LEKR1: variants seen among roughly 807,000 people sequenced by gnomAD.
LEKR1 encodes protein LEKR1.
Under a neutral mutation model 72.4 loss-of-function variants are expected in LEKR1, and 59 were observed. The observed-to-expected ratio is 0.82, with a 90% confidence interval of 0.66 to 1.01. LEKR1 has a LOEUF of 1.01. Ranked by LOEUF, LEKR1 falls within the 50% of genes least tolerant of loss-of-function variation. The pLI is 0.00. For synonymous variants in LEKR1, 257 were observed against 263.2 expected, an observed-to-expected ratio of 0.98 and a Z score of 0.23; for missense variants, 728 against 759.2, an observed-to-expected ratio of 0.96 and a Z score of 0.48.
intron 3 of LEKR1, among the ~76,000 whole-genome samples, chr3:156,920,267 T>G (rs1724068226): frequency 6.6e-6 from 1 of 152,100 alleles, no homozygotes; most frequent in African/African-American, 2.4e-5. Context: ...AAATTAATAT[T>G]TTTAGTTGTG....
At chr3:156,983,928 C>A (rs138244564) in intron 7 of LEKR1, among the ~76,000 whole-genome samples, 1 of 152,146 alleles carries the variant, frequency 6.6e-6, no homozygotes, top group Non-Finnish European at 1.5e-5. Flanking sequence ...ACACCTCCCC[C>A]CAAGTCCCCC....
chr3:156,853,163 A>G, intron 3 of LEKR1, 181 bp downstream of exon 3: 1 of 337,306 alleles, frequency 3.0e-6, no homozygotes, highest in South Asian at 1.5e-4. Context: ...CTTTCTTTTG[A>G]GGCATATATT....
chr3:156,908,958 A>G (rs62275762), intron 3 of LEKR1, among the ~76,000 whole-genome samples: 4,845 of 152,238 alleles, frequency 0.032, 118 homozygotes, highest in Non-Finnish European at 0.048. Context: ...CATGTTGTGG[A>G]AGGGACACAG....
At chr3:156,895,546 G>T (rs929076925) in intron 3 of LEKR1, among the ~76,000 whole-genome samples, 3 of 152,104 alleles carry the variant, frequency 2.0e-5, no homozygotes, top group Admixed American at 6.6e-5. Flanking sequence ...AGGAAGCAGA[G>T]GTTGCAATGA....
At chr3:156,961,262 C>G (rs577785398) in intron 6 of LEKR1, among the ~76,000 whole-genome samples, 2 of 152,274 alleles carry the variant, frequency 1.3e-5, no homozygotes, top group East Asian at 1.9e-4. Context: ...TCTTTTAAAA[C>G]AGCTTTACAG....
At chr3:156,984,610 G>A (rs1483040580) in intron 7 of LEKR1, among the ~76,000 whole-genome samples, 4 of 152,132 alleles carry the variant, frequency 2.6e-5, no homozygotes, top group African/African-American at 7.2e-5. Context: ...CCGGGAGGCA[G>A]AGGTTGCAGT....
chr3:156,948,510 A>T (rs921278748), intron 6 of LEKR1, among the ~76,000 whole-genome samples: 5 of 151,086 alleles, frequency 3.3e-5, no homozygotes, highest in African/African-American at 9.7e-5. Flanking sequence ...TATTAAATTC[A>T]TCTGAAGCTC....
At chr3:156,890,238 A>C (rs1720518570) in intron 3 of LEKR1, among the ~76,000 whole-genome samples, 1 of 152,210 alleles carries the variant, frequency 6.6e-6, no homozygotes, top group Non-Finnish European at 1.5e-5. Context: ...TTTTAATATC[A>C]ATAAAATAGC....
intron 3 of LEKR1, among the ~76,000 whole-genome samples, chr3:156,900,696 GTTTGCTAGAGTA>G (rs954235349): frequency 1.3e-5 from 2 of 152,168 alleles, no homozygotes; most frequent in African/African-American, 4.8e-5. Flanking sequence ...TTTCCTAATT[GTTTGCTAGAGTA>G]TTTGGCTTAT....
At chr3:156,979,435 C>T (rs1729986065) in intron 7 of LEKR1, 160 bp downstream of exon 7, 2 of 316,050 alleles carry the variant, frequency 6.3e-6, no homozygotes, top group South Asian at 2.7e-5. Flanking sequence ...TTTACTGCTG[C>T]TTTTCTTGCC....
chr3:156,944,072 C>T (rs547056121), intron 6 of LEKR1, among the ~76,000 whole-genome samples: 35 of 150,558 alleles, frequency 2.3e-4, no homozygotes, highest in African/African-American at 5.4e-4. Flanking sequence ...GTAAATTTTA[C>T]CATATCGAAG....
chr3:157,005,174 T>C (rs1732323236), intron 9 of LEKR1, among the ~76,000 whole-genome samples: 1 of 152,128 alleles, frequency 6.6e-6, no homozygotes, highest in South Asian at 2.1e-4. Context: ...ATAAATATTA[T>C]GAACAACTTT....
At chr3:156,971,185 G>A (rs1022699586) in intron 6 of LEKR1, among the ~76,000 whole-genome samples, 25 of 152,050 alleles carry the variant, frequency 1.6e-4, no homozygotes, top group African/African-American at 4.3e-4. Context: ...AAATAACGCC[G>A]CATGTCTACG....
intron 2 of LEKR1, among the ~76,000 whole-genome samples, chr3:156,832,216 C>T (rs1712510335): frequency 7.5e-6 from 1 of 132,488 alleles, no homozygotes. Context: ...ATAATGAGCC[C>T]CAACATAAGG....
chr3:156,836,822 G>A (rs535124506), intron 2 of LEKR1, among the ~76,000 whole-genome samples: 3 of 152,298 alleles, frequency 2.0e-5, no homozygotes, highest in Non-Finnish European at 4.4e-5. Context: ...AGTCCCACAA[G>A]TATCCAACCA....
intron 6 of LEKR1, among the ~76,000 whole-genome samples, chr3:156,947,763 G>A (rs1169904231): frequency 4.0e-5 from 6 of 151,114 alleles, no homozygotes; most frequent in Non-Finnish European, 5.9e-5. Flanking sequence ...TTTATTTGAC[G>A]CACCATTAAT....
At chr3:157,022,982 C>T (rs1733947657) in intron 10 of LEKR1, among the ~76,000 whole-genome samples, 1 of 152,120 alleles carries the variant, frequency 6.6e-6, no homozygotes, top group Non-Finnish European at 1.5e-5. Flanking sequence ...TACAATAAAA[C>T]CAATTGACCC....
At chr3:157,041,699 T>C (rs1275198010) in intron 12 of LEKR1, among the ~76,000 whole-genome samples, 1 of 151,924 alleles carries the variant, frequency 6.6e-6, no homozygotes, top group Admixed American at 6.5e-5. Context: ...TACAATCCAA[T>C]GATTCTATTT....
intron 2 of LEKR1, among the ~76,000 whole-genome samples, chr3:156,841,890 C>T (rs959766872): frequency 6.6e-6 from 1 of 152,156 alleles, no homozygotes; most frequent in Non-Finnish European, 1.5e-5. Context: ...CCCCTGGCCG[C>T]TGACTAGTAC....
Sources: gnomAD v4.1 joint callset for allele counts (sites outside exome capture counted in the v4.1 genomes callset) on GRCh38, gnomAD v4.1.1 for gene constraint, MANE v1.5 for transcripts, NCBI Gene and HGNC (gene_info 2026-07-23, HGNC 2026-07-21) for gene names.